The following TRDN variants were observed in gnomAD, a reference collection of about 807,000 sequenced individuals.
TRDN encodes the protein triadin in skeletal muscle.
In TRDN, 161 loss-of-function variants were observed where a neutral mutation model predicts 149.7. The observed-to-expected ratio is 1.08, with a 90% CI of 0.95 to 1.23. The LOEUF is 1.23. Ranked by LOEUF, TRDN falls within the 50% of genes most tolerant of loss-of-function variation. TRDN has a pLI of 0.00. For missense variants in TRDN, 896 were observed against 823.5 expected (o/e 1.09, Z -1.08); for synonymous variants, 294 against 250.5 (o/e 1.17, Z -1.64).
At chr6:123,409,390 T>A (rs983479010) in intron 12 of TRDN, among the ~76,000 whole-genome samples, 1 of 152,172 alleles carries the variant, frequency 6.6e-6, no homozygotes, top group African/African-American at 2.4e-5. Flanking sequence ...GTCAGAAAGG[T>A]CACGCTTTGA....
chr6:123,352,423 T>C, intron 21 of TRDN, 116 bp downstream of exon 21: 2 of 1,463,484 alleles, frequency 1.4e-6, no homozygotes, highest in Admixed American at 2.8e-5. Context: ...AGGACAGTGA[T>C]AAAGAGTAAT....
intron 4 of TRDN, among the ~76,000 whole-genome samples, chr6:123,531,206 A>G (rs1462084215): frequency 6.6e-6 from 1 of 152,066 alleles, no homozygotes; most frequent in East Asian, 1.9e-4. Context: ...AAATGGAGTT[A>G]ATTCTGAATT....
At chr6:123,302,170 A>G (rs1274410641) in intron 24 of TRDN, among the ~76,000 whole-genome samples, 3 of 151,888 alleles carry the variant, frequency 2.0e-5, no homozygotes, top group Non-Finnish European at 4.4e-5. Flanking sequence ...ATATAAACTA[A>G]ATAGAGTAAT....
At position 123,635,135 on chromosome 6, in the gene TRDN, C is replaced by T. The variant is rs189894336; in HGVS notation, c.22+1619G>A. Among the ~76,000 whole-genome samples the T allele has an allele frequency of 5.3e-5, 8 of 152,036 alleles. No individual in the cohort carries two copies. The East Asian group carries it at 9.7e-4, about 18-fold the overall frequency. The stretch of plus-strand genomic sequence containing the variant: ...TAGAGAAACAGAAGATTAAGACGCT[C>T]GTAGCTATCTTAATAACTTGTGCAG... On this transcript the variant is annotated intron_variant, in intron 1 of 40. Coordinates refer to ENST00000334268, the MANE Select transcript of TRDN (RefSeq NM_006073.4).
chr6:123,541,631 G>A (rs889796572), intron 4 of TRDN, among the ~76,000 whole-genome samples: 11 of 152,160 alleles, frequency 7.2e-5, no homozygotes, highest in African/African-American at 2.7e-4. Flanking sequence ...AGCGATATGC[G>A]ATGGTGCAGT....
intron 12 of TRDN, 58 bp from the exon 13 acceptor site, chr6:123,393,735 T>TA: frequency 1.4e-6 from 2 of 1,477,654 alleles, no homozygotes; most frequent in Admixed American, 4.1e-5. Flanking sequence ...AATATATAAA[T>TA]AAAAAAGGGA....
At chr6:123,237,832 A>C (rs1775845872) in intron 38 of TRDN, among the ~76,000 whole-genome samples, 2 of 152,194 alleles carry the variant, frequency 1.3e-5, no homozygotes, top group African/African-American at 4.8e-5. Context: ...TCATCCCAAC[A>C]AACTATAGTA....
chr6:123,456,759 C>G (rs979510521), intron 10 of TRDN: 2 of 455,170 alleles, frequency 4.4e-6, no homozygotes, highest in African/African-American at 4.0e-5. Context: ...ATTCCTTATC[C>G]TTTATTAAAT....
intron 1 of TRDN, among the ~76,000 whole-genome samples, chr6:123,597,938 A>T (rs1784112889): frequency 1.3e-5 from 2 of 152,064 alleles, no homozygotes; most frequent in Admixed American, 6.6e-5. Flanking sequence ...AGTATCTTCA[A>T]GGTATTCCTG....
intron 21 of TRDN, among the ~76,000 whole-genome samples, chr6:123,342,775 C>A (rs575324840): frequency 6.6e-6 from 1 of 152,088 alleles, no homozygotes; most frequent in South Asian, 2.1e-4. Flanking sequence ...GATATCACCA[C>A]AAATTGTTCC....
chr6:123,336,216 G>C (rs1182457040), intron 22 of TRDN, among the ~76,000 whole-genome samples: 2 of 151,956 alleles, frequency 1.3e-5, no homozygotes, highest in Non-Finnish European at 2.9e-5. Flanking sequence ...CAGTGTCTGT[G>C]TTAAAGTGAA....
intron 5 of TRDN, among the ~76,000 whole-genome samples, chr6:123,523,224 T>A (rs906247741): frequency 6.6e-6 from 1 of 151,980 alleles, no homozygotes; most frequent in Admixed American, 6.6e-5. Context: ...AAGGGCTTGA[T>A]GGCTGGAGAG....
intron 21 of TRDN, among the ~76,000 whole-genome samples, chr6:123,346,328 C>T (rs1028523095): frequency 1.3e-5 from 2 of 151,974 alleles, no homozygotes; most frequent in African/African-American, 4.8e-5. Flanking sequence ...TTATTGATTA[C>T]TTAAACACTT....
At chr6:123,586,390 C>T (rs1783485944) in intron 1 of TRDN, among the ~76,000 whole-genome samples, 2 of 151,938 alleles carry the variant, frequency 1.3e-5, no homozygotes, top group Admixed American at 1.3e-4. Flanking sequence ...AGTAGAAAGA[C>T]TCAGTGATGC....
chr6:123,452,541 C>A (rs1775844262), intron 10 of TRDN, among the ~76,000 whole-genome samples: 1 of 151,958 alleles, frequency 6.6e-6, no homozygotes, highest in Middle Eastern at 3.4e-3. Context: ...ATATGCCTAA[C>A]CAAGGAGTCG....
intron 1 of TRDN, among the ~76,000 whole-genome samples, chr6:123,576,343 G>T (rs1001985846): frequency 6.6e-6 from 1 of 152,024 alleles, no homozygotes; most frequent in Non-Finnish European, 1.5e-5. Context: ...TTTAATGAAT[G>T]CCCTAAATTG....
At chr6:123,403,381 T>G (rs1773062592) in intron 12 of TRDN, among the ~76,000 whole-genome samples, 1 of 152,058 alleles carries the variant, frequency 6.6e-6, no homozygotes, top group South Asian at 2.1e-4. Context: ...AATCCATTCC[T>G]GTGACAAATG....
chr6:123,573,695 G>A (rs1336597476), intron 1 of TRDN, among the ~76,000 whole-genome samples: 1 of 152,014 alleles, frequency 6.6e-6, no homozygotes, highest in African/African-American at 2.4e-5. Flanking sequence ...ATCCGTACAA[G>A]TAGAGGCTGT....
chr6:123,397,060 G>A (rs1772761607), intron 12 of TRDN, among the ~76,000 whole-genome samples: 1 of 150,786 alleles, frequency 6.6e-6, no homozygotes, highest in Middle Eastern at 3.4e-3. Context: ...AAAAAAAACA[G>A]TGTATTTATT....
Sources: allele counts gnomAD v4.1 joint callset (sites outside exome capture counted in the v4.1 genomes callset), GRCh38; gene constraint gnomAD v4.1.1; transcripts MANE v1.5; gene names NCBI Gene and HGNC (gene_info 2026-07-23, HGNC 2026-07-21).